FAM185A: variants seen among roughly 807,000 people sequenced by gnomAD.
The protein encoded by FAM185A is protein FAM185A.
FAM185A carries 21 observed loss-of-function variants against 45.7 expected under a neutral mutation model. That is an observed-to-expected ratio of 0.46 (90% CI 0.33 to 0.66). The LOEUF (loss-of-function observed/expected upper bound fraction) is 0.66, where lower values mean the gene tolerates loss of function less well. Among genes scored for constraint, FAM185A ranks in the 30% least tolerant of loss-of-function variants. FAM185A has a pLI of 0.03. For missense variants in FAM185A, 305 were observed against 485.4 expected, an observed-to-expected ratio of 0.63 and a Z score of 3.49; for synonymous variants, 117 against 194.0, an observed-to-expected ratio of 0.60 and a Z score of 3.30.
At chr7:102,803,777 A>G (rs116327122) in intron 7 of FAM185A, among the ~76,000 whole-genome samples, 2,292 of 152,280 alleles carry the variant, frequency 0.015, 50 homozygotes, top group African/African-American at 0.051. Context: ...GTTTACCTCA[A>G]AAACCCTAAA....
At chr7:102,818,630 A>G in the FAM185A span, among the ~76,000 whole-genome samples, 1 of 152,172 alleles carries the variant, frequency 6.6e-6, no homozygotes, top group Non-Finnish European at 1.5e-5. Context: ...TCCGAGTTTA[A>G]GCTTCTAGCA....
At chr7:102,834,473 A>ATATATATATATG in the FAM185A span, 135 of 141,542 alleles carry the variant, frequency 9.5e-4, 3 homozygotes, top group Admixed American at 9.2e-3. Flanking sequence ...ATATATATAT[A>ATATATATATATG]TGTGATGTGG....
intron 7 of FAM185A, among the ~76,000 whole-genome samples, chr7:102,793,444 C>T (rs1476909635): frequency 4.6e-5 from 7 of 151,892 alleles, no homozygotes; most frequent in African/African-American, 1.2e-4. Flanking sequence ...CTCCTGACCT[C>T]GTGATCCGCC....
chr7:102,836,137 C>A, the FAM185A span, among the ~76,000 whole-genome samples: 1 of 152,148 alleles, frequency 6.6e-6, no homozygotes, highest in African/African-American at 2.4e-5. Context: ...CTGCCTTATG[C>A]CTTTTTAAAA....
chr7:102,802,902 A>G (rs1162478430), intron 7 of FAM185A, among the ~76,000 whole-genome samples: 2 of 152,150 alleles, frequency 1.3e-5, no homozygotes, highest in Non-Finnish European at 2.9e-5. Context: ...GCTACTATGA[A>G]CACCTTTACG....
Position 102,757,415 on chromosome 7 carries a change from G to A in FAM185A, c.562-439G>A, listed in dbSNP as rs559170513. On this transcript the variant is annotated intron_variant, in intron 2 of 7. Transcript: ENST00000413034. ...GTAATACTTATCTCTCTGGTTTGTC[G>A]TGAGGATTAAATGATAGTTCATGTG... Among the ~76,000 whole-genome samples the A allele has an allele frequency of 6.6e-5, 10 of 152,286 alleles. No homozygotes were observed. The South Asian group carries it at 1.2e-3, about 19-fold the overall frequency.
In FAM185A at chr7:102,807,170, A is replaced by G. The variant is rs115026551; in HGVS notation, c.1067-1120A>G. Among the ~76,000 whole-genome samples, 1,483 of 151,206 alleles carry G rather than the reference A, an allele frequency of 9.8e-3. 28 individuals carry two copies. Among genetic ancestry groups the G allele is most frequent in the African/African-American group, 0.034 (1,408 of 41,206 alleles). On this transcript the variant is annotated intron_variant, in intron 7 of 7. Coordinates refer to ENST00000413034, the MANE Select transcript of FAM185A (RefSeq NM_001145268.2). Reference sequence around the variant, plus strand: ...AATCCATAGTGCCGCAAAGCTGATCAGTGATTGAAGGGGGTGGGGGTCGGA... The same window carrying G: ...AATCCATAGTGCCGCAAAGCTGATCGGTGATTGAAGGGGGTGGGGGTCGGA...
At chr7:102,770,106 G>T (rs183705386) in intron 4 of FAM185A, among the ~76,000 whole-genome samples, 3 of 152,104 alleles carry the variant, frequency 2.0e-5, no homozygotes, top group Non-Finnish European at 4.4e-5. Context: ...CTTAAAGCAT[G>T]GTTTTCTTGT....
intron 4 of FAM185A, among the ~76,000 whole-genome samples, chr7:102,766,163 T>G (rs1362178432): frequency 6.6e-6 from 1 of 152,288 alleles, no homozygotes; most frequent in East Asian, 1.9e-4. Context: ...ACAAACTGAT[T>G]CGATTAAGAT....
At chr7:102,848,282 C>A in the FAM185A span, among the ~76,000 whole-genome samples, 2 of 46,536 alleles carry the variant, frequency 4.3e-5, 1 homozygote, top group Non-Finnish European at 7.3e-5. Flanking sequence ...CGAGGCCGGG[C>A]GCGGTGGCTC....
At chr7:102,795,886 C>T (rs1796415449) in intron 7 of FAM185A, among the ~76,000 whole-genome samples, 1 of 152,156 alleles carries the variant, frequency 6.6e-6, no homozygotes, top group South Asian at 2.1e-4. Context: ...TCAAGATTTA[C>T]AGGAATACAA....
At chr7:102,822,145 T>C in the FAM185A span, 1 of 1,614,198 alleles carries the variant, frequency 6.2e-7, no homozygotes, top group Non-Finnish European at 8.5e-7. Flanking sequence ...ACCAGAGATA[T>C]CCAAAATGTG....
At chr7:102,850,394 A>G in the FAM185A span, among the ~76,000 whole-genome samples, 1 of 152,188 alleles carries the variant, frequency 6.6e-6, no homozygotes, top group African/African-American at 2.4e-5. Flanking sequence ...TGTCATCACC[A>G]TGGTAGGTTT....
chr7:102,813,207 T>C (rs1797554612), downstream of FAM185A: 1 of 782,670 alleles, frequency 1.3e-6, no homozygotes, highest in African/African-American at 1.8e-5. Context: ...ATATTTGTAG[T>C]TGGAATAAGA....
At chr7:102,780,726 A>G (rs188150068) in intron 6 of FAM185A, among the ~76,000 whole-genome samples, 1 of 152,332 alleles carries the variant, frequency 6.6e-6, no homozygotes, top group East Asian at 1.9e-4. Context: ...TACAGCTGCC[A>G]GCGTGAGCGA....
At chr7:102,839,104 G>A in the FAM185A span, among the ~76,000 whole-genome samples, 1 of 152,262 alleles carries the variant, frequency 6.6e-6, no homozygotes, top group East Asian at 1.9e-4. Context: ...CGGGAGACGA[G>A]ACATGTTGGC....
chr7:102,781,550 T>C (rs1795409314), intron 6 of FAM185A, among the ~76,000 whole-genome samples: 1 of 152,146 alleles, frequency 6.6e-6, no homozygotes. Context: ...AGGCAAACGG[T>C]CTGGAGTAGA....
At chr7:102,787,776 T>C (rs987974810) in intron 7 of FAM185A, among the ~76,000 whole-genome samples, 9 of 152,254 alleles carry the variant, frequency 5.9e-5, no homozygotes, top group African/African-American at 1.9e-4. Context: ...ACATATATTA[T>C]AATGCAAAAT....
downstream of FAM185A, chr7:102,813,248 T>C: frequency 8.8e-7 from 1 of 1,137,032 alleles, no homozygotes; most frequent in Non-Finnish European, 1.3e-6. Context: ...TTGTTTACAT[T>C]GTTATTGAGA....
Sources: allele counts gnomAD v4.1 joint callset (sites outside exome capture counted in the v4.1 genomes callset), GRCh38; gene constraint gnomAD v4.1.1; transcripts MANE v1.5; gene names NCBI Gene and HGNC (gene_info 2026-07-23, HGNC 2026-07-21).